Variants in ST6GALNAC3 observed in about 807,000 individuals in gnomAD.
ST6GALNAC3 encodes the protein alpha-N-acetylgalactosaminide alpha-2,6-sialyltransferase 3.
ST6GALNAC3 carries 25 observed loss-of-function variants against 32.7 expected under a neutral mutation model. The ratio of observed to expected loss-of-function variants is 0.76; its 90% CI spans 0.56 to 1.07. ST6GALNAC3 has a LOEUF of 1.07. Among genes scored for constraint, ST6GALNAC3 ranks in the 50% least tolerant of loss-of-function variants. The probability of loss-of-function intolerance (pLI) is 0.00; values close to 1 mark genes in which losing one functional copy is unlikely to be tolerated. For missense variants in ST6GALNAC3, 355 were observed against 382.4 expected, an observed-to-expected ratio of 0.93 and a Z score of 0.60; for synonymous variants, 129 against 133.1, an observed-to-expected ratio of 0.97 and a Z score of 0.21.
At chr1:76,559,805 C>G (rs1363637532) in intron 3 of ST6GALNAC3, among the ~76,000 whole-genome samples, 1 of 152,132 alleles carries the variant, frequency 6.6e-6, no homozygotes, top group African/African-American at 2.4e-5. Flanking sequence ...CCGCCTCTCT[C>G]CCATGCCCCA....
chr1:76,139,435 T>G (rs1000605115), intron 1 of ST6GALNAC3, among the ~76,000 whole-genome samples: 1 of 152,106 alleles, frequency 6.6e-6, no homozygotes, highest in Admixed American at 6.5e-5. Flanking sequence ...CAGTTGTACA[T>G]GGACTGTTTC....
chr1:76,140,625 CTTTCT>C (rs1449844164), intron 1 of ST6GALNAC3, among the ~76,000 whole-genome samples: 65 of 97,442 alleles, frequency 6.7e-4, no homozygotes, highest in Admixed American at 1.0e-3. Flanking sequence ...TCTTTTCTTT[CTTTCT>C]TTTTTTTTTT....
chr1:76,509,584 C>G lies in ST6GALNAC3; in HGVS notation c.623+97167C>G, dbSNP rs1661705362. Among the ~76,000 whole-genome samples the G allele has an allele frequency of 6.6e-6, 1 of 152,186 alleles. No homozygotes were observed. The highest frequency in any genetic ancestry group is 1.5e-5 in the Non-Finnish European group (1 of 68,026). Reference sequence around the variant, plus strand: ...TGTTAGTTTTCTATTGCTGCTATAACAAATTATCACCAACTTTGTGGTTTA... The same window carrying G: ...TGTTAGTTTTCTATTGCTGCTATAAGAAATTATCACCAACTTTGTGGTTTA... On this transcript the variant is annotated intron_variant, in intron 3 of 4. Transcript: ENST00000328299. This position sits in a 1 kb window ranked among gnomAD's most constrained non-coding sequence, Gnocchi z 5.5.
chr1:76,081,904 T>A (rs1394583816), intron 1 of ST6GALNAC3, among the ~76,000 whole-genome samples: 1 of 152,242 alleles, frequency 6.6e-6, no homozygotes, highest in African/African-American at 2.4e-5. Flanking sequence ...AAAGAGATAA[T>A]GCTTGTGAAT....
At chr1:76,223,594 A>C (rs1201448779) in intron 1 of ST6GALNAC3, among the ~76,000 whole-genome samples, 2 of 152,182 alleles carry the variant, frequency 1.3e-5, no homozygotes, top group Non-Finnish European at 2.9e-5. Flanking sequence ...GTGCTTTTAG[A>C]AGTATCCAGA....
intron 3 of ST6GALNAC3, chr1:76,413,018 C>T: frequency 3.0e-6 from 1 of 333,652 alleles, no homozygotes; most frequent in Non-Finnish European, 5.9e-6. Flanking sequence ...AAATACTATT[C>T]ATTCAATTAT....
intron 3 of ST6GALNAC3, among the ~76,000 whole-genome samples, chr1:76,625,406 T>TC (rs1648904780): frequency 3.3e-5 from 5 of 151,728 alleles, no homozygotes; most frequent in Admixed American, 6.6e-5. Flanking sequence ...TCTCTATGAG[T>TC]GCTTGGTCAG....
intron 1 of ST6GALNAC3, among the ~76,000 whole-genome samples, chr1:76,187,123 ATCT>A (rs1482266776): frequency 4.6e-5 from 7 of 152,158 alleles, no homozygotes; most frequent in East Asian, 3.9e-4. Context: ...TTTCCTTCTG[ATCT>A]TCTTCTTAAT....
intron 1 of ST6GALNAC3, among the ~76,000 whole-genome samples, chr1:76,242,175 T>C (rs1476184874): frequency 6.6e-6 from 1 of 152,204 alleles, no homozygotes; most frequent in Non-Finnish European, 1.5e-5. Flanking sequence ...TGGATTTTTC[T>C]CATTTAGGAA....
At chr1:76,583,792 G>A (rs1427708499) in intron 3 of ST6GALNAC3, among the ~76,000 whole-genome samples, 1 of 152,154 alleles carries the variant, frequency 6.6e-6, no homozygotes, top group Non-Finnish European at 1.5e-5. Flanking sequence ...ATTTTGATCA[G>A]AGAAGACTGA....
At chr1:76,525,815 A>ATATATACATATATATACATATATACG (rs1557529109) in intron 3 of ST6GALNAC3, among the ~76,000 whole-genome samples, 12 of 107,856 alleles carry the variant, frequency 1.1e-4, no homozygotes, top group African/African-American at 3.5e-4. Context: ...ATATATATAT[A>ATATATACATATATATACATATATACG]TATATATATA....
intron 3 of ST6GALNAC3, among the ~76,000 whole-genome samples, chr1:76,598,852 T>G (rs61771660): frequency 0.2 from 29,882 of 152,134 alleles, 3,052 homozygotes; most frequent in Middle Eastern, 0.27. Flanking sequence ...TACCATATGC[T>G]TCTTCCTAAA....
chr1:76,156,977 C>T (rs1048966010), intron 1 of ST6GALNAC3, among the ~76,000 whole-genome samples: 2 of 152,152 alleles, frequency 1.3e-5, no homozygotes, highest in African/African-American at 4.8e-5. Context: ...GTGATCTGCC[C>T]GCCTTGGCCT....
intron 3 of ST6GALNAC3, among the ~76,000 whole-genome samples, chr1:76,426,241 A>T (rs989382578): frequency 6.6e-6 from 1 of 151,676 alleles, no homozygotes; most frequent in African/African-American, 2.4e-5. Context: ...CCCTTATTAG[A>T]CTGTAAGCAC....
intron 1 of ST6GALNAC3, among the ~76,000 whole-genome samples, chr1:76,261,705 A>G (rs915200022): frequency 1.3e-5 from 2 of 152,232 alleles, no homozygotes; most frequent in African/African-American, 4.8e-5. Context: ...GAGCAACTGC[A>G]TTGCTGGAAC....
Position 76,297,051 on chromosome 1 carries a change from C to T in ST6GALNAC3, c.19-16754C>T, listed in dbSNP as rs542177157. ...AGCATTGGTCAGCATCTGTATAGAA[C>T]TTGAAAGCCTATAAAGGGAGGACTT... On this transcript the variant is annotated intron_variant, in intron 1 of 4. Coordinates refer to ENST00000328299, the MANE Select transcript of ST6GALNAC3 (RefSeq NM_152996.4). Among the ~76,000 whole-genome samples, 184 of 151,992 alleles carry T rather than the reference C, an allele frequency of 1.2e-3. 1 individual carries two copies. Among genetic ancestry groups the T allele is most frequent in the African/African-American group, 4.2e-3 (174 of 41,488 alleles).
chr1:76,502,514 T>G (rs947695523), intron 3 of ST6GALNAC3, among the ~76,000 whole-genome samples: 1 of 152,180 alleles, frequency 6.6e-6, no homozygotes, highest in African/African-American at 2.4e-5. Flanking sequence ...TCTCTTTGGC[T>G]TGTTAATGAG....
intron 1 of ST6GALNAC3, among the ~76,000 whole-genome samples, chr1:76,237,378 C>T (rs1027601777): frequency 3.3e-5 from 5 of 152,154 alleles, no homozygotes; most frequent in Non-Finnish European, 7.3e-5. Context: ...AAGTGATTCA[C>T]CCGCCTTGGC....
At chr1:76,234,847 A>G (rs146268775) in intron 1 of ST6GALNAC3, among the ~76,000 whole-genome samples, 393 of 152,334 alleles carry the variant, frequency 2.6e-3, no homozygotes, top group African/African-American at 8.7e-3. Context: ...GAAGAATACA[A>G]GCAATAATAG....
Sources: gnomAD v4.1 joint callset for allele counts (sites outside exome capture counted in the v4.1 genomes callset) on GRCh38, gnomAD v4.1.1 for gene constraint, Gnocchi (gnomAD v3.1) non-coding constraint, MANE v1.5 for transcripts, NCBI Gene and HGNC (gene_info 2026-07-23, HGNC 2026-07-21) for gene names.